ITGB2: variants seen among roughly 807,000 people sequenced by gnomAD.
ITGB2 encodes the protein integrin beta-2.
Under a neutral mutation model 86.8 loss-of-function variants are expected in ITGB2, and 56 were observed. The ratio of observed to expected loss-of-function variants is 0.65; its 90% CI spans 0.52 to 0.81. The LOEUF (loss-of-function observed/expected upper bound fraction) is 0.81, where lower values mean the gene tolerates loss of function less well. ITGB2 is among the 30% of genes least tolerant of loss of function. ITGB2 has a pLI of 0.00. For missense variants in ITGB2, 948 were observed against 1,061.2 expected (o/e 0.89, Z 1.48); for synonymous variants, 457 against 450.4 (o/e 1.01, Z -0.19).
intron 6 of ITGB2, 37 bp from the exon 7 acceptor site, chr21:44,900,512 C>A (rs747486070): frequency 1.2e-6 from 2 of 1,611,418 alleles, no homozygotes; most frequent in Admixed American, 3.3e-5. Flanking sequence ...TTACCTGCCT[C>A]AGTTTCCCAG....
In ITGB2 at chr21:44,892,939, T is replaced by G. The variant is rs76787817; in HGVS notation, c.1224+465A>C. The G allele has an allele frequency of 2.9e-3, 609 of 209,558 alleles. 3 individuals are homozygous for G. The highest frequency in any genetic ancestry group is 0.013 in the African/African-American group (582 of 43,640). 13.0% of individuals were successfully genotyped at this position (209,558 alleles called of 1,614,324 possible). A position where few individuals can be genotyped will look rare whatever the true frequency, so the allele number is the denominator to read the frequency against. On this transcript the variant is annotated intron_variant, in intron 10 of 15. Transcript: ENST00000652462. ...TACCCAGGTTTGCCGTTTGCGCCTG[T>G]TCTGTGTGTCCGGCGTCTGCCCCCA...
rs1568881823 is a variant in ITGB2 at position 44,890,049 on chromosome 21, A to G, written c.1586T>C (p.Ile529Thr). 9.3e-6 allele frequency: 15 copies of G among 1,613,484 alleles called. No homozygotes were observed. Among genetic ancestry groups the G allele is most frequent in the Non-Finnish European group, 1.3e-5 (15 of 1,180,010 alleles). Residue 529 changes from isoleucine to threonine, a missense_variant, in exon 12 of 16, where the codon ATA (isoleucine) becomes ACA (threonine). Ile to Thr is a moderately conservative substitution (Grantham distance 89). Coordinates refer to ENST00000652462, the MANE Select transcript of ITGB2 (RefSeq NM_000211.5). ...CHTSDVPGKL[I>T]YGQYCECDTI... The stretch of plus-strand genomic sequence containing the variant: ...GTCACACTCGCAGTACTGCCCGTAT[A>G]TCAGCTTGCCGGGGACGTCGCTGGT...
intron 1 of ITGB2, among the ~76,000 whole-genome samples, chr21:44,920,530 C>T (rs1223958300): frequency 1.3e-5 from 2 of 152,160 alleles, no homozygotes; most frequent in African/African-American, 4.8e-5. Flanking sequence ...GCTTGTGGGC[C>T]CAGCCTCTTC....
chr21:44,900,404 G>A lies in ITGB2; in HGVS notation c.813C>T (p.Gly271=), dbSNP rs768750631. The change falls in exon 7 of 16, where the codon GGC becomes GGT. Residue 271 remains glycine, a synonymous_variant. Transcript: ENST00000652462. ...FATDDGFHFA[G]DGKLGAILTP... ...TCAGGATGGCGCCCAGCTTCCCGTCGCCCGCGAAATGGAAGCCGTCATCAG... is the reference window on the plus strand; with the variant it reads ...TCAGGATGGCGCCCAGCTTCCCGTCACCCGCGAAATGGAAGCCGTCATCAG... 16 of 1,613,942 alleles carry A rather than the reference G, an allele frequency of 9.9e-6. No homozygotes were observed. The Admixed American group carries it at 1.3e-4, about 13-fold the overall frequency.
At chr21:44,899,531 G>A (rs1601300297) in intron 7 of ITGB2, among the ~76,000 whole-genome samples, 1 of 147,998 alleles carries the variant, frequency 6.8e-6, no homozygotes, top group South Asian at 2.2e-4. Context: ...CTCCCTACCC[G>A]AGTTCCGGGA....
At chr21:44,893,969 G>A in intron 9 of ITGB2, 1 of 314,754 alleles carries the variant, frequency 3.2e-6, no homozygotes, top group Non-Finnish European at 6.4e-6. Flanking sequence ...GGCAGAGACA[G>A]AGACAGACAG....
chr21:44,890,436 G>T (rs1343544726), intron 11 of ITGB2, among the ~76,000 whole-genome samples: 1 of 152,248 alleles, frequency 6.6e-6, no homozygotes, highest in Non-Finnish European at 1.5e-5. Flanking sequence ...CGAGGGGAAA[G>T]CAGACACCTG....
At chr21:44,916,612 A>C (rs929849934) in intron 1 of ITGB2, among the ~76,000 whole-genome samples, 2 of 152,174 alleles carry the variant, frequency 1.3e-5, no homozygotes, top group South Asian at 4.1e-4. Context: ...TCATGCCTGT[A>C]ATCCCAGCAC....
At chr21:44,889,554 G>C in intron 12 of ITGB2, 59 bp from the exon 13 acceptor site, 2 of 1,449,818 alleles carry the variant, frequency 1.4e-6, no homozygotes, top group African/African-American at 1.4e-5. Context: ...AGACCCGCCC[G>C]AAACCCCACT....
Position 44,888,781 on chromosome 21 carries a change from C to G in ITGB2, c.1992G>C (p.Glu664Asp). The part of the protein sequence containing the change: ...NNPVKGRTCK[E>D]RDSEGCWVAY... ...CCACCCAGCAGCCCTCTGAGTCCCT[C>G]TCCTTGCAGGTCCTGCCCTTCACGG... The change falls in exon 14 of 16, where the codon GAG becomes GAC. Residue 664 changes from glutamate (E) to aspartate (D), a missense_variant. Physicochemically the swap from Glu to Asp is conservative, Grantham distance 45. Transcript: ENST00000652462. 6.2e-7 allele frequency: 1 copy of G among 1,612,168 alleles called. No homozygotes were observed.
At chr21:44,926,005 T>C in intron 1 of ITGB2, among the ~76,000 whole-genome samples, 1 of 152,128 alleles carries the variant, frequency 6.6e-6, no homozygotes, top group East Asian at 1.9e-4. Context: ...CTTGGGAGGC[T>C]GAGGCAGGAA....
intron 8 of ITGB2, among the ~76,000 whole-genome samples, chr21:44,898,151 T>C (rs1283708481): frequency 1.3e-5 from 2 of 152,154 alleles, no homozygotes; most frequent in Non-Finnish European, 2.9e-5. Flanking sequence ...TCTGGAGGGC[T>C]AGAGACTGAG....
chr21:44,896,162 G>T (rs1223910633), intron 8 of ITGB2, among the ~76,000 whole-genome samples: 1 of 152,130 alleles, frequency 6.6e-6, no homozygotes, highest in African/African-American at 2.4e-5. Context: ...CTGCCTGGTG[G>T]ATTTCAAGCT....
In ITGB2 at chr21:44,886,775, C is replaced by G. The variant is rs1372369383; in HGVS notation, c.2208G>C (p.Arg736Ser). The G allele has an allele frequency of 1.2e-5, 20 of 1,613,962 alleles. No homozygotes were observed. Among genetic ancestry groups the G allele is most frequent in the Non-Finnish European group, 1.7e-5 (20 of 1,180,036 alleles). The stretch of plus-strand genomic sequence containing the variant: ...ACTTGAGCTTCTCCTTCTCAAAGCG[C>G]CTGTACTCCCGGAGGTCGCTCAGGT... ...LIHLSDLREY[R>S]RFEKEKLKSQ... The change falls in exon 15 of 16, where the codon AGG becomes AGC. Residue 736 changes from arginine (R) to serine (S), a missense_variant. By Grantham distance (110) the Arg-to-Ser change is moderately radical (BLOSUM62 -1). Transcript: ENST00000652462.
chr21:44,892,626 A>AAAAAAC, intron 10 of ITGB2, among the ~76,000 whole-genome samples: 1 of 151,044 alleles, frequency 6.6e-6, no homozygotes, highest in Non-Finnish European at 1.5e-5. Context: ...AAAAAAAAAA[A>AAAAAAC]ATCCACAGGC....
chr21:44,892,445 C>G (rs1292470603), intron 10 of ITGB2, among the ~76,000 whole-genome samples: 1 of 152,126 alleles, frequency 6.6e-6, no homozygotes, highest in Non-Finnish European at 1.5e-5. Flanking sequence ...CATGGCGAAA[C>G]TCTGTCTCTA....
At chr21:44,894,208 G>A (rs1345193197) in intron 9 of ITGB2, 1 of 164,682 alleles carries the variant, frequency 6.1e-6, no homozygotes, top group African/African-American at 2.4e-5. Flanking sequence ...CTCACGGGAG[G>A]CTACGAGAAG....
intron 3 of ITGB2, among the ~76,000 whole-genome samples, chr21:44,909,056 C>G (rs2084088686): frequency 1.3e-5 from 2 of 152,230 alleles, no homozygotes; most frequent in Admixed American, 6.5e-5. Context: ...AGGCGGGGAC[C>G]AGCACGGCAC....
At chr21:44,898,627 C>T (rs918486810) in intron 8 of ITGB2, among the ~76,000 whole-genome samples, 2 of 152,230 alleles carry the variant, frequency 1.3e-5, no homozygotes, top group African/African-American at 4.8e-5. Context: ...GGAGCAGAGG[C>T]TGGTTATCAG....
Sources: gnomAD v4.1 joint callset for allele counts (sites outside exome capture counted in the v4.1 genomes callset) on GRCh38, gnomAD v4.1.1 for gene constraint, MANE v1.5 for transcripts, NCBI Gene and HGNC (gene_info 2026-07-23, HGNC 2026-07-21) for gene names.